Variants in TDRD9 observed in about 807,000 individuals in gnomAD.
TDRD9 encodes ATP-dependent RNA helicase TDRD9.
TDRD9 carries 124 observed loss-of-function variants against 172.6 expected under a neutral mutation model. The observed-to-expected ratio is 0.72, with a 90% CI of 0.62 to 0.83. The LOEUF is 0.83. Ranked by LOEUF, TDRD9 falls within the 40% of genes least tolerant of loss-of-function variation. The pLI, the probability that TDRD9 is intolerant of heterozygous loss-of-function variation, is 0.00. For missense variants in TDRD9, 1,479 were observed against 1,714.1 expected (o/e 0.86, Z 2.42); for synonymous variants, 619 against 617.1 (o/e 1.00, Z -0.05).
At chr14:103,971,217 T>G (rs950145771) in intron 6 of TDRD9, among the ~76,000 whole-genome samples, 4 of 151,994 alleles carry the variant, frequency 2.6e-5, no homozygotes, top group Non-Finnish European at 4.4e-5. Context: ...TCTCCTGACC[T>G]CGTGATCCGC....
At position 103,963,262 on chromosome 14, in the gene TDRD9, C is replaced by T. The variant is rs550345383; in HGVS notation, c.420+86C>T. 7.0e-6 allele frequency: 7 copies of T among 993,962 alleles called. No homozygotes were observed. In the East Asian group the frequency reaches 1.6e-4, roughly 23 times the overall value. The allele number at this position is 993,962 out of a possible 1,614,324, so 61.6% of individuals were successfully genotyped here. On this transcript the variant is annotated intron_variant, in intron 3 of 35. Coordinates refer to ENST00000409874, the MANE Select transcript of TDRD9 (RefSeq NM_153046.3). ...TTTTGGTTTCTAATTTGAAAGTTACCAGTTGCCAGGTGAACACTTCTGTGG... is the reference window on the plus strand; with the variant it reads ...TTTTGGTTTCTAATTTGAAAGTTACTAGTTGCCAGGTGAACACTTCTGTGG...
Position 104,052,164 on chromosome 14 carries a change from C to T in TDRD9, c.*82C>T. 1 of 960,666 alleles carries T rather than the reference C, an allele frequency of 1.0e-6. No individual in the cohort carries two copies. Among genetic ancestry groups the T allele is most frequent in the Non-Finnish European group, 1.6e-6 (1 of 623,902 alleles). The allele number at this position is 960,666 out of a possible 1,614,324, so 59.5% of individuals were successfully genotyped here. ...CAGGCTCCCTCCGCAGACTGACTTT[C>T]CTCTGTGTCTGGGTGTTACAGTCTG... On this transcript the variant is annotated 3_prime_UTR_variant, in exon 36 of 36. Coordinates refer to ENST00000409874, the MANE Select transcript of TDRD9 (RefSeq NM_153046.3).
At chr14:103,932,623 G>A (rs112571903) in intron 1 of TDRD9, among the ~76,000 whole-genome samples, 3,481 of 151,906 alleles carry the variant, frequency 0.023, 79 homozygotes, top group East Asian at 0.071. Flanking sequence ...TCCTGGCCTC[G>A]TGATCTGCCT....
At chr14:103,990,431 C>T (rs1277552057) in intron 8 of TDRD9, among the ~76,000 whole-genome samples, 2 of 152,246 alleles carry the variant, frequency 1.3e-5, no homozygotes, top group African/African-American at 4.8e-5. Flanking sequence ...CCATGGCTCC[C>T]TCCTCACCTC....
intron 34 of TDRD9, among the ~76,000 whole-genome samples, chr14:104,043,023 ATATT>A (rs1260404851): frequency 1.3e-5 from 2 of 151,582 alleles, no homozygotes; most frequent in East Asian, 3.9e-4. Context: ...AATATTTTTA[ATATT>A]TATTTATTTA....
intron 13 of TDRD9, among the ~76,000 whole-genome samples, chr14:103,999,205 A>C (rs966589493): frequency 8.5e-5 from 13 of 152,230 alleles, no homozygotes; most frequent in African/African-American, 2.7e-4. Context: ...CAGAGTGTCC[A>C]TTTAAATCCA....
chr14:103,991,544 C>T (rs941485802), intron 9 of TDRD9, among the ~76,000 whole-genome samples: 5 of 151,906 alleles, frequency 3.3e-5, no homozygotes, highest in African/African-American at 1.2e-4. Flanking sequence ...TCCCGAGTAG[C>T]TGGGACTACA....
At chr14:104,035,133 C>A in intron 32 of TDRD9, 77 bp downstream of exon 32, 1 of 1,178,156 alleles carries the variant, frequency 8.5e-7, no homozygotes, top group South Asian at 1.3e-5. Context: ...TCTCCTTGCT[C>A]CTTTTGGAAA....
chr14:104,020,352 A>C (rs1443161128), intron 23 of TDRD9, among the ~76,000 whole-genome samples: 3 of 152,214 alleles, frequency 2.0e-5, no homozygotes, highest in Non-Finnish European at 4.4e-5. Flanking sequence ...AGGAGCCAAC[A>C]GACGGGAAGG....
chr14:103,974,427 C>A (rs1475157343), intron 6 of TDRD9, among the ~76,000 whole-genome samples: 2 of 152,064 alleles, frequency 1.3e-5, no homozygotes, highest in African/African-American at 4.8e-5. Context: ...TTAAGGATAT[C>A]ATTTCATATT....
intron 1 of TDRD9, among the ~76,000 whole-genome samples, chr14:103,937,293 CT>C (rs1165424481): frequency 6.6e-6 from 1 of 152,152 alleles, no homozygotes; most frequent in Non-Finnish European, 1.5e-5. Context: ...GGCATTTTTT[CT>C]GTGTCTTGAA....
chr14:104,025,755 T>C lies in TDRD9; in HGVS notation c.2910T>C (p.Tyr970=). Residue 970 remains tyrosine, a synonymous_variant, in exon 26 of 36, where the codon TAT becomes TAC. Transcript: ENST00000409874. The part of the protein sequence containing the change: ...KQRYFRAQVL[Y]VSGNSAEVFF... The stretch of plus-strand genomic sequence containing the variant: ...GCTACTTTAGAGCTCAAGTCCTTTA[T>C]GTTTCTGGAAATTCTGCTGAGGTAG... 3 of 1,613,922 alleles carry C rather than the reference T, an allele frequency of 1.9e-6. No individual in the cohort carries two copies. Among genetic ancestry groups the C allele is most frequent in the Non-Finnish European group, 1.7e-6 (2 of 1,179,832 alleles).
intron 23 of TDRD9, among the ~76,000 whole-genome samples, chr14:104,019,354 G>A (rs1156480788): frequency 2.0e-5 from 3 of 151,696 alleles, no homozygotes; most frequent in Non-Finnish European, 2.9e-5. Context: ...ACTTTTTTTT[G>A]TTTTATTATT....
rs553208411 is a variant in TDRD9, at chr14:103,977,425, G to A, written c.1011+1872G>A. Reference sequence around the variant, plus strand: ...GGAGAATGGCATGAACCCGGGAGGCGGAGCTTGCAGTGAGCCAAGATTGCA... The same window carrying A: ...GGAGAATGGCATGAACCCGGGAGGCAGAGCTTGCAGTGAGCCAAGATTGCA... On this transcript the variant is annotated intron_variant, in intron 7 of 35. Transcript: ENST00000409874. 5.4e-5 allele frequency among the ~76,000 whole-genome samples: 8 copies of A among 149,106 alleles called. No homozygotes were observed. In the East Asian group the frequency reaches 9.9e-4, roughly 18 times the overall value.
chr14:103,987,406 T>C (rs193210050), intron 8 of TDRD9, among the ~76,000 whole-genome samples: 1 of 152,352 alleles, frequency 6.6e-6, no homozygotes, highest in African/African-American at 2.4e-5. Flanking sequence ...AATTTCCTGC[T>C]ATGTTCTGCT....
chr14:104,037,699 C>T (rs2035492791), intron 32 of TDRD9, among the ~76,000 whole-genome samples: 1 of 152,158 alleles, frequency 6.6e-6, no homozygotes, highest in Admixed American at 6.5e-5. Flanking sequence ...TGCCATTTGT[C>T]TCCTCTCCTT....
chr14:104,006,600 C>A (rs753278052), intron 16 of TDRD9, 46 bp downstream of exon 16: 1 of 1,611,250 alleles, frequency 6.2e-7, no homozygotes, highest in Non-Finnish European at 8.5e-7. Flanking sequence ...TTATATAACA[C>A]CACTCTCACA....
chr14:104,000,623 A>G (rs1237165763), intron 13 of TDRD9, among the ~76,000 whole-genome samples: 1 of 152,034 alleles, frequency 6.6e-6, no homozygotes, highest in Non-Finnish European at 1.5e-5. Flanking sequence ...TGTCTCTACT[A>G]AAAATACAAA....
intron 14 of TDRD9, 38 bp from the exon 15 acceptor site, chr14:104,005,236 A>G: frequency 6.2e-7 from 1 of 1,609,598 alleles, no homozygotes; most frequent in East Asian, 2.2e-5. Flanking sequence ...TGATTTAGTT[A>G]TGTTATTATT....
Sources: allele counts gnomAD v4.1 joint callset (sites outside exome capture counted in the v4.1 genomes callset), GRCh38; gene constraint gnomAD v4.1.1; transcripts MANE v1.5; gene names NCBI Gene and HGNC (gene_info 2026-07-23, HGNC 2026-07-21).